NTMT1: variants seen among roughly 807,000 people sequenced by gnomAD.
NTMT1 encodes the protein N-terminal Xaa-Pro-Lys N-methyltransferase 1, also known as N-terminal RCC1 methyltransferase.
In NTMT1, 8 loss-of-function variants were observed where a neutral mutation model predicts 17.5. That is an observed-to-expected ratio of 0.46 (90% CI 0.27 to 0.82). NTMT1 has a LOEUF of 0.82. Among genes scored for constraint, NTMT1 ranks in the 40% least tolerant of loss-of-function variants. The pLI is 0.15. For synonymous variants in NTMT1, 128 were observed against 126.8 expected (o/e 1.01, Z -0.06); for missense variants, 221 against 303.5 (o/e 0.73, Z 2.02).
chr9:129,610,547 A>C lies in NTMT1; in HGVS notation c.-55+1369A>C, dbSNP rs10988450. Among the ~76,000 whole-genome samples the C allele has an allele frequency of 3.7e-3, 559 of 151,920 alleles. 18 individuals carry two copies. In the East Asian group the frequency reaches 0.09, roughly 24 times the overall value. ...CGGTCGTGGGCTCGGAGCAGGTGCC[A>C]GGAGGTCGCGCGGCCGGAGCGGGGC... is the stretch of plus-strand genomic sequence containing the variant. On this transcript the variant is annotated intron_variant, in intron 1 of 3. Transcript: ENST00000372486.
At chr9:129,615,423 C>T in intron 1 of NTMT1, 1 of 1,482,418 alleles carries the variant, frequency 6.7e-7, no homozygotes, top group Non-Finnish European at 9.0e-7. Flanking sequence ...GAGCTACAGC[C>T]TCTCTGCCCT....
intron 1 of NTMT1, chr9:129,615,492 C>T: frequency 1.3e-6 from 2 of 1,596,786 alleles, no homozygotes; most frequent in South Asian, 1.1e-5. Flanking sequence ...ACCTGAGCGT[C>T]TGCGCTCCCA....
At chr9:129,635,139 AGTACATCCCATCCAGT>A (rs1831457861) in intron 3 of NTMT1, 53 bp from the exon 4 acceptor site, 54 of 1,544,848 alleles carry the variant, frequency 3.5e-5, no homozygotes, top group Non-Finnish European at 4.6e-5. Flanking sequence ...GGGGCTGAGA[AGTACATCCCATCCAGT>A]GCCGACATCC....
Position 129,620,725 on chromosome 9 carries a change from G to T in NTMT1, c.-55+11547G>T. 1 of 669,530 alleles carries T rather than the reference G, an allele frequency of 1.5e-6. No individual in the cohort carries two copies. Among genetic ancestry groups the T allele is most frequent in the Non-Finnish European group, 2.1e-6 (1 of 475,156 alleles). 41.5% of individuals were successfully genotyped at this position (669,530 alleles called of 1,614,324 possible). A position where few individuals can be genotyped will look rare whatever the true frequency, so the allele number is the denominator to read the frequency against. ...GAACGCCACCGGCCCGGCGGACAGC[G>T]AGTGGCTTCAGGCGAGAGCTCCCAG... On this transcript the variant is annotated intron_variant, in intron 1 of 3. Coordinates refer to the NTMT1 transcript ENST00000372486. The surrounding 1 kb of genome is among the most constrained non-coding windows in gnomAD (Gnocchi z 5.8).
intron 1 of NTMT1, among the ~76,000 whole-genome samples, chr9:129,631,598 C>T (rs1201861229): frequency 6.6e-6 from 1 of 152,250 alleles, no homozygotes; most frequent in East Asian, 1.9e-4. Context: ...GGGCCACTCT[C>T]TGTTGGGCCT....
At chr9:129,632,017 G>C (rs1262680144) in intron 1 of NTMT1, among the ~76,000 whole-genome samples, 2 of 152,200 alleles carry the variant, frequency 1.3e-5, no homozygotes, top group African/African-American at 4.8e-5. Context: ...CTCTGAGCCA[G>C]AGGAAGGGAG....
intron 1 of NTMT1, among the ~76,000 whole-genome samples, chr9:129,618,870 T>G (rs766923980): frequency 0.011 from 112 of 10,124 alleles, 1 homozygote; most frequent in African/African-American, 0.029. Context: ...TTTTTTGTGT[T>G]TTTTTTTTTT....
chr9:129,615,693 C>G (rs768948539), intron 1 of NTMT1: 7 of 1,486,566 alleles, frequency 4.7e-6, no homozygotes, highest in African/African-American at 1.4e-5. Flanking sequence ...CCCACCGTAC[C>G]CCAGCACACA....
chr9:129,610,360 G>A lies in NTMT1; in HGVS notation c.-55+1182G>A, dbSNP rs1455092870. Among the ~76,000 whole-genome samples, 26 of 151,278 alleles carry A rather than the reference G, an allele frequency of 1.7e-4. No homozygotes were observed. The South Asian group carries it at 5.1e-3, about 30-fold the overall frequency. ...GCAAGGGCGTGGAGTCCGGGGTCGCGGGGGCGCCGAGACCCGCCCCGGGGG... is the reference window on the plus strand; with the variant it reads ...GCAAGGGCGTGGAGTCCGGGGTCGCAGGGGCGCCGAGACCCGCCCCGGGGG... On this transcript the variant is annotated intron_variant, in intron 1 of 3. Transcript: ENST00000372486.
chr9:129,629,661 A>T (rs555481119), intron 1 of NTMT1, among the ~76,000 whole-genome samples: 1 of 152,126 alleles, frequency 6.6e-6, no homozygotes, highest in Non-Finnish European at 1.5e-5. Flanking sequence ...TGTTATGTGC[A>T]ATATTTAGAA....
chr9:129,631,067 C>G (rs1011190488), intron 1 of NTMT1, among the ~76,000 whole-genome samples: 1 of 152,230 alleles, frequency 6.6e-6, no homozygotes, highest in African/African-American at 2.4e-5. Flanking sequence ...TCTCCGCCCT[C>G]TGATGGCCCA....
At chr9:129,631,868 AG>A in intron 1 of NTMT1, among the ~76,000 whole-genome samples, 1 of 152,094 alleles carries the variant, frequency 6.6e-6, no homozygotes, top group Admixed American at 6.5e-5. Context: ...TCTCCTCTGC[AG>A]CCCTCCCTGC....
Position 129,614,956 on chromosome 9 carries a change from A to G in NTMT1, c.-55+5778A>G, listed in dbSNP as rs1000889691. Among the ~76,000 whole-genome samples, 2 of 152,100 alleles carry G rather than the reference A, an allele frequency of 1.3e-5. No homozygotes were observed. Among genetic ancestry groups the G allele is most frequent in the African/African-American group, 4.8e-5 (2 of 41,430 alleles). On this transcript the variant is annotated intron_variant, in intron 1 of 3. Coordinates refer to the NTMT1 transcript ENST00000372486. This position sits in a 1 kb window ranked among gnomAD's most constrained non-coding sequence, Gnocchi z 4.4. Reference sequence around the variant, plus strand: ...TGGGAACTGCAAAACAGACACCATTACATCCAGGGTCTGGTGGCTCTTAGC... The same window carrying G: ...TGGGAACTGCAAAACAGACACCATTGCATCCAGGGTCTGGTGGCTCTTAGC...
chr9:129,625,343 G>A (rs904701889), upstream of NTMT1, among the ~76,000 whole-genome samples: 3 of 152,092 alleles, frequency 2.0e-5, no homozygotes, highest in African/African-American at 7.2e-5. Flanking sequence ...TATTTTGGGG[G>A]GTCGGTATTA....
rs1588147469 is a variant in NTMT1 at position 129,635,872 on chromosome 9, C to T, written c.*408C>T. On this transcript the variant is annotated 3_prime_UTR_variant, in exon 4 of 4. Coordinates refer to ENST00000372483, the MANE Select transcript of NTMT1 (RefSeq NM_014064.4). ...TTGGTTGCTGGGGACTTGAAGACTT[C>T]AGTGTGATCTTTACCTAGGGGAGGG... 2.4e-5 allele frequency: 5 copies of T among 211,874 alleles called. No individual in the cohort carries two copies. The East Asian group carries it at 6.8e-4, about 29-fold the overall frequency. The allele number at this position is 211,874 out of a possible 1,614,324, so 13.1% of individuals were successfully genotyped here. A position where few individuals can be genotyped will look rare whatever the true frequency, so the allele number is the denominator to read the frequency against.
intron 1 of NTMT1, chr9:129,619,736 T>C (rs759574244): frequency 2.2e-5 from 35 of 1,613,702 alleles, no homozygotes; most frequent in Non-Finnish European, 2.9e-5. Context: ...GGACTGACGC[T>C]TACCACAGGT....
rs1410390918 is a variant in NTMT1 at position 129,626,229 on chromosome 9, C to G, written c.-121C>G. 1.3e-5 allele frequency: 2 copies of G among 152,114 alleles called. No individual in the cohort carries two copies. The highest frequency in any genetic ancestry group is 4.8e-5 in the African/African-American group (2 of 41,434). The allele number at this position is 152,114 out of a possible 1,614,324, so 9.4% of individuals were successfully genotyped here. A position where few individuals can be genotyped will look rare whatever the true frequency, so the allele number is the denominator to read the frequency against. ...GAGCTGCGGTTGGCTTGTGGCGTCT[C>G]CGCCGCCGCCGCCCTCCCTTCCTCT... On this transcript the variant is annotated 5_prime_UTR_variant, in exon 1 of 4. Coordinates refer to ENST00000372483, the MANE Select transcript of NTMT1 (RefSeq NM_014064.4).
chr9:129,617,060 C>T (rs915081731), intron 1 of NTMT1, among the ~76,000 whole-genome samples: 4 of 146,724 alleles, frequency 2.7e-5, no homozygotes, highest in Non-Finnish European at 4.5e-5. Flanking sequence ...AGTGAGACTT[C>T]GTCTCAAAAA....
At chr9:129,625,874 T>C (rs1830866215), upstream of NTMT1, among the ~76,000 whole-genome samples, 1 of 151,538 alleles carries the variant, frequency 6.6e-6, no homozygotes, top group African/African-American at 2.4e-5. Flanking sequence ...TAGCTGGGTG[T>C]GGTAGCTCAC....
Sources: gnomAD v4.1 joint callset for allele counts (sites outside exome capture counted in the v4.1 genomes callset) on GRCh38, gnomAD v4.1.1 for gene constraint, Gnocchi (gnomAD v3.1) non-coding constraint, MANE v1.5 for transcripts, NCBI Gene and HGNC (gene_info 2026-07-23, HGNC 2026-07-21) for gene names.